Variants in JADE1 observed in about 807,000 individuals in gnomAD.
JADE1 encodes jade family PHD finger 1.
In JADE1, 14 loss-of-function variants were observed where a neutral mutation model predicts 81.8. The observed-to-expected ratio is 0.17, with a 90% CI of 0.11 to 0.27. JADE1 has a LOEUF of 0.27. Among genes scored for constraint, JADE1 ranks in the 10% least tolerant of loss-of-function variants. The probability of loss-of-function intolerance (pLI) is 1.00; values close to 1 mark genes in which losing one functional copy is unlikely to be tolerated. For synonymous variants in JADE1, 353 were observed against 391.9 expected (o/e 0.90, Z 1.17); for missense variants, 690 against 1,047.9 (o/e 0.66, Z 4.71).
rs190887315 is a variant in JADE1 at position 128,874,269 on chromosome 4, T to C, written c.*2007T>C. The C allele has an allele frequency of 6.6e-6, 1 of 152,294 alleles. No homozygotes were observed. The highest frequency in any genetic ancestry group is 1.9e-4 in the East Asian group (1 of 5,160). The allele number at this position is 152,294 out of a possible 1,614,324, so 9.4% of individuals were successfully genotyped here. On this transcript the variant is annotated 3_prime_UTR_variant, in exon 11 of 11. Coordinates refer to ENST00000226319, the MANE Select transcript of JADE1 (RefSeq NM_199320.4). ...TTACAGCAACAGCTCTGGGTGAGAG[T>C]AGAATTTATAGAGGGATAATTTGTC...
At chr4:128,818,235 C>T (rs1466377969) in intron 1 of JADE1, among the ~76,000 whole-genome samples, 1 of 152,066 alleles carries the variant, frequency 6.6e-6, no homozygotes, top group Non-Finnish European at 1.5e-5. Context: ...ATTCTCCTGC[C>T]TCAGCCTCCC....
intron 9 of JADE1, chr4:128,862,485 T>G: frequency 7.4e-7 from 1 of 1,343,020 alleles, no homozygotes; most frequent in African/African-American, 1.5e-5. Flanking sequence ...TACTGTTTTG[T>G]AAGATCAAAT....
intron 4 of JADE1, among the ~76,000 whole-genome samples, chr4:128,848,367 T>TG: frequency 6.6e-6 from 1 of 152,184 alleles, no homozygotes; most frequent in East Asian, 1.9e-4. Context: ...TTAGTAGAGA[T>TG]GGGGTTTCAC....
chr4:128,874,585 G>A lies in JADE1; in HGVS notation c.*2323G>A, dbSNP rs917617860. The stretch of plus-strand genomic sequence containing the variant: ...TTTATTCCTGCTTCGAAATGCAAAT[G>A]GATAGAGCACGGTTTCTCTGACAGT... On this transcript the variant is annotated 3_prime_UTR_variant, in exon 11 of 11. Coordinates refer to ENST00000226319, the MANE Select transcript of JADE1 (RefSeq NM_199320.4). The A allele has an allele frequency of 6.6e-6, 1 of 152,512 alleles. No individual in the cohort carries two copies. The highest frequency in any genetic ancestry group is 1.5e-5 in the Non-Finnish European group (1 of 68,016). The allele number at this position is 152,512 out of a possible 1,614,324, so 9.4% of individuals were successfully genotyped here.
At chr4:128,831,153 G>C (rs1328193226) in intron 1 of JADE1, among the ~76,000 whole-genome samples, 1 of 152,170 alleles carries the variant, frequency 6.6e-6, no homozygotes, top group Non-Finnish European at 1.5e-5. Flanking sequence ...TAATGTCTGT[G>C]GTTCCTTCCT....
intron 1 of JADE1, among the ~76,000 whole-genome samples, chr4:128,812,229 G>A (rs1027474062): frequency 1.3e-5 from 2 of 152,110 alleles, no homozygotes; most frequent in Non-Finnish European, 2.9e-5. Flanking sequence ...CACTGCACCG[G>A]GGCTAATTCC....
chr4:128,815,970 C>T (rs1726995984), intron 1 of JADE1, among the ~76,000 whole-genome samples: 1 of 150,516 alleles, frequency 6.6e-6, no homozygotes, highest in Non-Finnish European at 1.5e-5. Context: ...TATTTCCTCC[C>T]TTGTACAAGC....
intron 1 of JADE1, among the ~76,000 whole-genome samples, chr4:128,821,802 A>C (rs1473169052): frequency 6.6e-6 from 1 of 152,138 alleles, no homozygotes; most frequent in Non-Finnish European, 1.5e-5. Context: ...GATTACAGGC[A>C]TGAGCCACCA....
intron 8 of JADE1, among the ~76,000 whole-genome samples, chr4:128,857,954 T>G (rs2125880916): frequency 6.6e-6 from 1 of 152,234 alleles, no homozygotes; most frequent in African/African-American, 2.4e-5. Context: ...GCTAATGCAT[T>G]TGCAGTTGGA....
intron 4 of JADE1, 63 bp from the exon 5 acceptor site, chr4:128,848,909 GGGCCTTGT>G (rs1730103780): frequency 1.4e-5 from 21 of 1,474,356 alleles, no homozygotes; most frequent in Non-Finnish European, 1.9e-5. Context: ...AAGACATTTG[GGGCCTTGT>G]GGCACACTTC....
intron 2 of JADE1, among the ~76,000 whole-genome samples, chr4:128,836,257 A>G (rs1185810756): frequency 6.6e-6 from 1 of 152,198 alleles, no homozygotes; most frequent in Non-Finnish European, 1.5e-5. Context: ...AAATTTAACT[A>G]ATAATAGCCT....
chr4:128,825,582 T>A (rs17013736), intron 1 of JADE1, among the ~76,000 whole-genome samples: 3,407 of 152,314 alleles, frequency 0.022, 110 homozygotes, highest in African/African-American at 0.074. Context: ...CTATCTCATG[T>A]GCATGTAAGC....
At chr4:128,826,515 G>A (rs1280884789) in intron 1 of JADE1, among the ~76,000 whole-genome samples, 1 of 150,502 alleles carries the variant, frequency 6.6e-6, no homozygotes, top group African/African-American at 2.4e-5. Context: ...GCATCACCAC[G>A]CCTGGCTAAT....
intron 2 of JADE1, among the ~76,000 whole-genome samples, chr4:128,840,603 AAGAG>A (rs1448552004): frequency 6.6e-6 from 1 of 152,132 alleles, no homozygotes; most frequent in African/African-American, 2.4e-5. Context: ...AAGAGGGAGA[AAGAG>A]AGGCCTCTTT....
At chr4:128,851,760 C>T (rs978617837) in intron 5 of JADE1, among the ~76,000 whole-genome samples, 1 of 152,124 alleles carries the variant, frequency 6.6e-6, no homozygotes, top group Non-Finnish European at 1.5e-5. Context: ...ACCTCCTGGG[C>T]TCAAGCAGTT....
At position 128,873,262 on chromosome 4, in the gene JADE1, AAAAAAAAAAAGAAAAAAAG is replaced by A. The variant is rs1305816634; in HGVS notation, c.*1018_*1036del. On this transcript the variant is annotated 3_prime_UTR_variant, in exon 11 of 11. Transcript: ENST00000226319. ...TGGATTCCTTAAGAAAAAGGAAAAAAAAAAAAAAAAGAAAAAAAGAAAAAAAAAAGAAAAAAGAAAAAAA... is the reference window on the plus strand; with the variant it reads ...TGGATTCCTTAAGAAAAAGGAAAAAAAAAAAAAAAAGAAAAAAGAAAAAAA... 1 of 149,604 alleles carries A rather than the reference AAAAAAAAAAAGAAAAAAAG, an allele frequency of 6.7e-6. No homozygotes were observed. Among genetic ancestry groups the A allele is most frequent in the Non-Finnish European group, 1.5e-5 (1 of 67,350 alleles). The allele number at this position is 149,604 out of a possible 1,614,324, so 9.3% of individuals were successfully genotyped here.
At chr4:128,862,285 G>A in intron 9 of JADE1, 60 bp downstream of exon 9, 2 of 1,604,324 alleles carry the variant, frequency 1.2e-6, no homozygotes, top group Admixed American at 1.7e-5. Context: ...AGAGGCGAAC[G>A]CTCGCCCAGA....
At chr4:128,854,172 G>C (rs1730602088) in intron 6 of JADE1, among the ~76,000 whole-genome samples, 1 of 151,982 alleles carries the variant, frequency 6.6e-6, no homozygotes, top group Non-Finnish European at 1.5e-5. Flanking sequence ...ACTGATGTCA[G>C]GGCAGGCTTG....
Position 128,871,597 on chromosome 4 carries a change from G to A in JADE1, c.1864G>A (p.Glu622Lys), listed in dbSNP as rs1732199535. The A allele has an allele frequency of 6.2e-7, 1 of 1,614,206 alleles. No individual in the cohort carries two copies. The highest frequency in any genetic ancestry group is 8.5e-7 in the Non-Finnish European group (1 of 1,180,028). Reference sequence around the variant, plus strand: ...GCAGCCAGACCTGTGTGGTAGAAGGGAGGGGATGGTGGTCCCAGAGAGCTT... The same window carrying A: ...GCAGCCAGACCTGTGTGGTAGAAGGAAGGGGATGGTGGTCCCAGAGAGCTT... ...LKQPDLCGRR[E>K]GMVVPESFLG... Residue 622 changes from glutamate to lysine, a missense_variant, in exon 11 of 11, where the codon GAG (glutamate) becomes AAG (lysine). By Grantham distance (56) the Glu-to-Lys change is moderately conservative. This residue lies in a region of JADE1 where 218 missense variants were observed against 274.3 expected (regional missense o/e 0.79). Transcript: ENST00000226319. The surrounding 1 kb of genome is among the most constrained non-coding windows in gnomAD (Gnocchi z 4.1).
Sources: allele counts gnomAD v4.1 joint callset (sites outside exome capture counted in the v4.1 genomes callset), GRCh38; gene constraint gnomAD v4.1.1; regional missense constraint gnomAD v4.1.1; non-coding constraint Gnocchi (gnomAD v3.1); transcripts MANE v1.5; gene names NCBI Gene and HGNC (gene_info 2026-07-23, HGNC 2026-07-21).